METTL6: variants seen among roughly 807,000 people sequenced by gnomAD.
The protein encoded by METTL6 is methyltransferase 6, tRNA N3-cytidine.
Under a neutral mutation model 26.4 loss-of-function variants are expected in METTL6, and 22 were observed. The ratio of observed to expected loss-of-function variants is 0.83; its 90% CI spans 0.59 to 1.19. The LOEUF is 1.19. METTL6 is among the 50% of genes most tolerant of loss of function. The probability of loss-of-function intolerance (pLI) is 0.00; values close to 1 mark genes in which losing one functional copy is unlikely to be tolerated. For synonymous variants in METTL6, 109 were observed against 116.2 expected, an observed-to-expected ratio of 0.94 and a Z score of 0.40; for missense variants, 304 against 324.8, an observed-to-expected ratio of 0.94 and a Z score of 0.49.
At chr3:15,401,878 C>T (rs1465449400) in intron 6 of METTL6, among the ~76,000 whole-genome samples, 1 of 152,158 alleles carries the variant, frequency 6.6e-6, no homozygotes, top group African/African-American at 2.4e-5. Flanking sequence ...CAAGAAATAA[C>T]TATAAGTATA....
intron 6 of METTL6, among the ~76,000 whole-genome samples, chr3:15,394,956 C>T (rs1699448178): frequency 6.6e-6 from 1 of 152,214 alleles, no homozygotes; most frequent in Admixed American, 6.5e-5. Context: ...TGGTGTGGTG[C>T]TGAAAAGAAT....
downstream of METTL6, among the ~76,000 whole-genome samples, chr3:15,405,396 G>A (rs949119911): frequency 1.1e-4 from 16 of 152,174 alleles, no homozygotes; most frequent in Admixed American, 3.9e-4. Flanking sequence ...GAGCTCATAA[G>A]TTGATCTAGA....
chr3:15,423,993 G>T (rs1199649395), intron 3 of METTL6, among the ~76,000 whole-genome samples: 1 of 152,078 alleles, frequency 6.6e-6, no homozygotes, highest in Non-Finnish European at 1.5e-5. Context: ...GATCACCTGA[G>T]CCCAGGAGTT....
chr3:15,392,425 A>AT (rs1699375075), intron 6 of METTL6, among the ~76,000 whole-genome samples: 1 of 151,548 alleles, frequency 6.6e-6, no homozygotes, highest in Non-Finnish European at 1.5e-5. Flanking sequence ...GGTTGCAAAA[A>AT]TTTTCTCCCA....
chr3:15,419,989 G>C (rs1028009231), intron 3 of METTL6, among the ~76,000 whole-genome samples: 1 of 151,624 alleles, frequency 6.6e-6, no homozygotes, highest in African/African-American at 2.4e-5. Flanking sequence ...AGCCTCCCGA[G>C]TAGCTGGGAC....
chr3:15,419,669 T>C (rs1298116046), intron 3 of METTL6, among the ~76,000 whole-genome samples: 1 of 152,188 alleles, frequency 6.6e-6, no homozygotes, highest in Non-Finnish European at 1.5e-5. Flanking sequence ...GGAAGGAAAC[T>C]TGGCATTGTC....
At position 15,410,302 on chromosome 3, in the gene METTL6, T is replaced by C. The variant is rs1699916482; in HGVS notation, c.*954A>G. Reference sequence around the variant, plus strand: ...TTTAACAATATACCGTAATAAAAGTTATGTGAATGTGATCTTTCAAATTTT... The same window carrying C: ...TTTAACAATATACCGTAATAAAAGTCATGTGAATGTGATCTTTCAAATTTT... On this transcript the variant is annotated 3_prime_UTR_variant, in exon 6 of 6. Coordinates refer to ENST00000383790, the MANE Select transcript of METTL6 (RefSeq NM_152396.4). Among the ~76,000 whole-genome samples, 1 of 152,126 alleles carries C rather than the reference T, an allele frequency of 6.6e-6. No individual in the cohort carries two copies. Among genetic ancestry groups the C allele is most frequent in the Non-Finnish European group, 1.5e-5 (1 of 68,022 alleles).
At position 15,426,575 on chromosome 3, in the gene METTL6, C is replaced by T. The variant is rs1404504736; in HGVS notation, c.-64G>A. 6.3e-6 allele frequency: 9 copies of T among 1,421,608 alleles called. No homozygotes were observed. The highest frequency in any genetic ancestry group is 8.8e-6 in the Non-Finnish European group (9 of 1,021,266). 88.1% of individuals were successfully genotyped at this position (1,421,608 alleles called of 1,614,324 possible). On this transcript the variant is annotated 5_prime_UTR_variant, in exon 2 of 6. Transcript: ENST00000383790. ...TCTCCATCACCAAATAATATGAATC[C>T]ACGCTAATGGATCAGATACATTTCC...
chr3:15,425,013 T>C lies in METTL6; in HGVS notation c.302A>G (p.Asp101Gly), dbSNP rs989339627. The C allele has an allele frequency of 1.2e-6, 2 of 1,614,160 alleles. No homozygotes were observed. The highest frequency in any genetic ancestry group is 1.7e-6 in the Non-Finnish European group (2 of 1,180,004). ...GNCLFPLLEE[D>G]PNIFAYACDF... The stretch of plus-strand genomic sequence containing the variant: ...ACAGGCATAGGCAAAGATATTCGGA[T>C]CTTCTTCTAAAAGTGGGAATAAACA... The change falls in exon 3 of 6, where the codon GAT becomes GGT. Residue 101 changes from aspartate (D) to glycine (G), a missense_variant. Asp to Gly is a moderately conservative substitution (Grantham distance 94). Coordinates refer to ENST00000383790, the MANE Select transcript of METTL6 (RefSeq NM_152396.4).
chr3:15,416,343 T>A (rs2124997501), intron 3 of METTL6, among the ~76,000 whole-genome samples: 1 of 152,300 alleles, frequency 6.6e-6, no homozygotes, highest in East Asian at 1.9e-4. Context: ...CTTCACCTCC[T>A]GAGCCCAAGT....
At chr3:15,417,159 C>T (rs563937816) in intron 3 of METTL6, among the ~76,000 whole-genome samples, 2 of 151,902 alleles carry the variant, frequency 1.3e-5, no homozygotes, top group South Asian at 4.2e-4. Flanking sequence ...AGCAAGATCT[C>T]ATCTTTAAAA....
At chr3:15,392,832 C>T (rs1048341930) in intron 6 of METTL6, among the ~76,000 whole-genome samples, 1 of 152,062 alleles carries the variant, frequency 6.6e-6, no homozygotes, top group Non-Finnish European at 1.5e-5. Flanking sequence ...TTTCTGAGGG[C>T]TCTGTTCTGT....
At chr3:15,418,526 C>T (rs573392205) in intron 3 of METTL6, among the ~76,000 whole-genome samples, 2 of 152,166 alleles carry the variant, frequency 1.3e-5, no homozygotes, top group East Asian at 3.9e-4. Flanking sequence ...GGGGAATAAA[C>T]CCTATAACAA....
Position 15,398,166 on chromosome 3 carries a change from C to T in METTL6, c.*11+13079G>A, listed in dbSNP as rs112898986. Among the ~76,000 whole-genome samples the T allele has an allele frequency of 7.6e-3, 1,152 of 151,824 alleles. 23 individuals carry two copies. Among genetic ancestry groups the T allele is most frequent in the African/African-American group, 0.027 (1,103 of 41,358 alleles). ...CTCCCACATGGCATGGCTGGCCTGG[C>T]GTCAGTTGAACTCTCCACTGCAATG... On this transcript the variant is annotated intron_variant, in intron 6 of 6. Coordinates refer to the METTL6 transcript ENST00000443029.
exon 7 of METTL6, chr3:15,381,522 A>T (rs772233897): frequency 6.6e-6 from 1 of 152,216 alleles, no homozygotes; most frequent in African/African-American, 2.4e-5. Flanking sequence ...AATCTTTAAC[A>T]TAACATTATT....
chr3:15,423,474 G>A (rs1259839219), intron 3 of METTL6, among the ~76,000 whole-genome samples: 2 of 152,152 alleles, frequency 1.3e-5, no homozygotes, highest in African/African-American at 4.8e-5. Context: ...TATAGGCAGG[G>A]TGTAATCCCA....
At chr3:15,423,078 G>A (rs933519398) in intron 3 of METTL6, among the ~76,000 whole-genome samples, 2 of 152,164 alleles carry the variant, frequency 1.3e-5, no homozygotes, top group African/African-American at 2.4e-5. Context: ...TAGGGCAAGG[G>A]TATTTTAGGT....
At chr3:15,396,278 G>C (rs372192633) in intron 6 of METTL6, among the ~76,000 whole-genome samples, 2 of 152,050 alleles carry the variant, frequency 1.3e-5, no homozygotes, top group Non-Finnish European at 2.9e-5. Flanking sequence ...CCAGTTGATT[G>C]AATCGGCTAC....
intron 6 of METTL6, among the ~76,000 whole-genome samples, chr3:15,384,998 T>C (rs1699154731): frequency 1.3e-5 from 2 of 152,114 alleles, no homozygotes; most frequent in Admixed American, 1.3e-4. Flanking sequence ...GTCTGAAAAA[T>C]GTGTGGTATG....
Sources: gnomAD v4.1 joint callset for allele counts (sites outside exome capture counted in the v4.1 genomes callset) on GRCh38, gnomAD v4.1.1 for gene constraint, MANE v1.5 for transcripts, NCBI Gene and HGNC (gene_info 2026-07-23, HGNC 2026-07-21) for gene names.